The following SHISA5 variants were observed in gnomAD, a reference collection of about 807,000 sequenced individuals.
The protein encoded by SHISA5 is protein shisa-5.
A neutral mutation model predicts 27.5 loss-of-function variants in SHISA5; 21 were observed. The observed-to-expected ratio is 0.76, with a 90% CI of 0.54 to 1.10. The LOEUF (loss-of-function observed/expected upper bound fraction) is 1.10, where lower values mean the gene tolerates loss of function less well. SHISA5 is among the 50% of genes least tolerant of loss of function. The pLI is 0.00. For synonymous variants in SHISA5, 137 were observed against 142.2 expected, an observed-to-expected ratio of 0.96 and a Z score of 0.26; for missense variants, 314 against 336.3, an observed-to-expected ratio of 0.93 and a Z score of 0.52.
chr3:48,482,307 A>C (rs1437442850), intron 2 of SHISA5, among the ~76,000 whole-genome samples: 2 of 151,916 alleles, frequency 1.3e-5, no homozygotes, highest in African/African-American at 4.8e-5. Context: ...CAGGAGGCTT[A>C]GGTGGGAGGA....
At chr3:48,488,490 G>A (rs2107353463) in intron 2 of SHISA5, among the ~76,000 whole-genome samples, 1 of 149,358 alleles carries the variant, frequency 6.7e-6, no homozygotes, top group South Asian at 2.1e-4. Flanking sequence ...GCCTCCCAAA[G>A]TGCTGGGATT....
Position 48,473,416 on chromosome 3 carries a change from CA to C in SHISA5, c.315-3574del, listed in dbSNP as rs2040714812. 3 of 1,310,836 alleles carry C rather than the reference CA, an allele frequency of 2.3e-6. No individual in the cohort carries two copies. In the South Asian group the frequency reaches 3.7e-5, roughly 16 times the overall value. 81.2% of individuals were successfully genotyped at this position (1,310,836 alleles called of 1,614,324 possible). ...TCTAGCTCAGCAGCACCCCCACCCC[CA>C]CTTCCACCTAACCCACCGGCCCTGT... On this transcript the variant is annotated intron_variant, in intron 3 of 5. Coordinates refer to ENST00000296444, the MANE Select transcript of SHISA5 (RefSeq NM_016479.6). This position sits in a 1 kb window ranked among gnomAD's most constrained non-coding sequence, Gnocchi z 4.3.
intron 2 of SHISA5, among the ~76,000 whole-genome samples, chr3:48,483,046 T>A (rs1343754301): frequency 3.3e-5 from 5 of 151,572 alleles, no homozygotes; most frequent in Non-Finnish European, 7.4e-5. Context: ...CACCTCGGCC[T>A]CCCAAGTAGC....
In SHISA5 at chr3:48,469,756, G is replaced by A; in HGVS notation, c.402C>T (p.Cys134=). 3 of 1,614,096 alleles carry A rather than the reference G, an allele frequency of 1.9e-6. No individual in the cohort carries two copies. Among genetic ancestry groups the A allele is most frequent in the Non-Finnish European group, 2.5e-6 (3 of 1,179,992 alleles). ...IIICFTCSCC[C]LYKTCRRPRP... ...GTGGTCGGCGGCACGTCTTGTAAAGGCAGCAGCAGGAGCAGGTGAAGCAGA... is the reference window on the plus strand; with the variant it reads ...GTGGTCGGCGGCACGTCTTGTAAAGACAGCAGCAGGAGCAGGTGAAGCAGA... The change falls in exon 4 of 6, where the codon TGC becomes TGT. Residue 134 remains cysteine, a synonymous_variant. Transcript: ENST00000296444. This position sits in a 1 kb window ranked among gnomAD's most constrained non-coding sequence, Gnocchi z 4.6.
chr3:48,473,378 GC>G lies in SHISA5; in HGVS notation c.315-3536del, dbSNP rs2040713023. Reference sequence around the variant, plus strand: ...CTAAGAGCCACCCCAGCCTCAGTGGGCCCCAACCACACTCTAGCTCAGCAGC... The same window carrying G: ...CTAAGAGCCACCCCAGCCTCAGTGGGCCCAACCACACTCTAGCTCAGCAGC... On this transcript the variant is annotated intron_variant, in intron 3 of 5. Transcript: ENST00000296444. This position sits in a 1 kb window ranked among gnomAD's most constrained non-coding sequence, Gnocchi z 4.3. The G allele has an allele frequency of 7.5e-7, 1 of 1,336,828 alleles. No individual in the cohort carries two copies. Among genetic ancestry groups the G allele is most frequent in the Non-Finnish European group, 9.8e-7 (1 of 1,020,288 alleles). The allele number at this position is 1,336,828 out of a possible 1,614,324, so 82.8% of individuals were successfully genotyped here.
intron 2 of SHISA5, among the ~76,000 whole-genome samples, chr3:48,489,500 G>C (rs528707616): frequency 1.7e-3 from 256 of 150,692 alleles, no homozygotes; most frequent in Non-Finnish European, 2.9e-3. Context: ...TTTCTATTTT[G>C]TTCAGCAGAG....
At position 48,468,274 on chromosome 3, in the gene SHISA5, A is replaced by G; in HGVS notation, c.*833T>C. 7.0e-6 allele frequency: 7 copies of G among 1,001,778 alleles called. No individual in the cohort carries two copies. Among genetic ancestry groups the G allele is most frequent in the Non-Finnish European group, 8.3e-6 (7 of 839,280 alleles). The allele number at this position is 1,001,778 out of a possible 1,614,324, so 62.1% of individuals were successfully genotyped here. A position where few individuals can be genotyped will look rare whatever the true frequency, so the allele number is the denominator to read the frequency against. ...TGTTTGGCTAAAATAAAATGAAAAC[A>G]CTGCAGGGAAGAGAACTGAGTGTGC... is the stretch of plus-strand genomic sequence containing the variant. On this transcript the variant is annotated 3_prime_UTR_variant, in exon 6 of 6. Coordinates refer to ENST00000296444, the MANE Select transcript of SHISA5 (RefSeq NM_016479.6).
At chr3:48,500,204 G>A (rs1358385347) in intron 2 of SHISA5, among the ~76,000 whole-genome samples, 1 of 152,226 alleles carries the variant, frequency 6.6e-6, no homozygotes, top group East Asian at 1.9e-4. Context: ...ATGTGGCTAG[G>A]TCTTACACTA....
chr3:48,476,891 C>G (rs147439066), intron 3 of SHISA5: 7 of 310,380 alleles, frequency 2.3e-5, no homozygotes, highest in Non-Finnish European at 3.9e-5. Flanking sequence ...ACACGGCACA[C>G]GAGGCCCAGT....
At chr3:48,475,940 A>G (rs114582462) in intron 3 of SHISA5, among the ~76,000 whole-genome samples, 1,927 of 152,338 alleles carry the variant, frequency 0.013, 21 homozygotes, top group Middle Eastern at 0.031. Flanking sequence ...GGGCCACACT[A>G]TAACCCCTGC....
chr3:48,475,734 C>A (rs1228175115), intron 3 of SHISA5, among the ~76,000 whole-genome samples: 1 of 152,204 alleles, frequency 6.6e-6, no homozygotes, highest in South Asian at 2.1e-4. Flanking sequence ...TACTTAGAAA[C>A]CCAACAGTCT....
chr3:48,479,597 T>A (rs977423149), intron 2 of SHISA5: 17 of 252,418 alleles, frequency 6.7e-5, no homozygotes, highest in African/African-American at 3.6e-4. Flanking sequence ...TTATTATAAT[T>A]TTTTTTTGTT....
chr3:48,482,390 CTG>C (rs1330779144), intron 2 of SHISA5, among the ~76,000 whole-genome samples: 1 of 151,904 alleles, frequency 6.6e-6, no homozygotes, highest in African/African-American at 2.4e-5. Context: ...GGGCGACAGA[CTG>C]AGACCCTGTC....
intron 2 of SHISA5, among the ~76,000 whole-genome samples, chr3:48,487,137 C>T (rs1057157497): frequency 6.6e-6 from 1 of 151,722 alleles, no homozygotes; most frequent in African/African-American, 2.4e-5. Flanking sequence ...CACGCACACA[C>T]ACACACACAC....
intron 2 of SHISA5, among the ~76,000 whole-genome samples, chr3:48,491,364 C>T (rs1188262316): frequency 6.6e-6 from 1 of 152,052 alleles, no homozygotes; most frequent in Non-Finnish European, 1.5e-5. Context: ...GTGATCCGCC[C>T]GCCTCGGCCT....
chr3:48,468,493 G>A lies in SHISA5; in HGVS notation c.*614C>T, dbSNP rs905776589. ...GCCTGAGGTGTTCTGGCATCAGGAG[G>A]CTGCCTGATCCCCAACAGGCATGAC... On this transcript the variant is annotated 3_prime_UTR_variant, in exon 6 of 6. Transcript: ENST00000296444. 2 of 1,182,024 alleles carry A rather than the reference G, an allele frequency of 1.7e-6. No individual in the cohort carries two copies. The highest frequency in any genetic ancestry group is 2.1e-6 in the Non-Finnish European group (2 of 939,936). The allele number at this position is 1,182,024 out of a possible 1,614,324, so 73.2% of individuals were successfully genotyped here. A position where few individuals can be genotyped will look rare whatever the true frequency, so the allele number is the denominator to read the frequency against.
chr3:48,502,068 G>A (rs1158169214), intron 1 of SHISA5, among the ~76,000 whole-genome samples: 1 of 152,014 alleles, frequency 6.6e-6, no homozygotes, highest in African/African-American at 2.4e-5. Context: ...TCGCCATGTT[G>A]GCCAGGCTGG....
At chr3:48,499,538 G>C (rs1418149507) in intron 2 of SHISA5, among the ~76,000 whole-genome samples, 1 of 151,156 alleles carries the variant, frequency 6.6e-6, no homozygotes, top group East Asian at 2.0e-4. Context: ...AATTAGGCCG[G>C]GCGTGGTGGC....
At chr3:48,480,175 T>C (rs2040962016) in intron 2 of SHISA5, among the ~76,000 whole-genome samples, 1 of 152,046 alleles carries the variant, frequency 6.6e-6, no homozygotes, top group Non-Finnish European at 1.5e-5. Context: ...AGTGCTGGGA[T>C]TACAGGCGTG....
Sources: gnomAD v4.1 joint callset for allele counts (sites outside exome capture counted in the v4.1 genomes callset) on GRCh38, gnomAD v4.1.1 for gene constraint, Gnocchi (gnomAD v3.1) non-coding constraint, MANE v1.5 for transcripts, NCBI Gene and HGNC (gene_info 2026-07-23, HGNC 2026-07-21) for gene names.